Variants in ZNF385D observed in about 807,000 individuals in gnomAD.
ZNF385D encodes the protein zinc finger protein 659.
ZNF385D carries 15 observed loss-of-function variants against 35.8 expected under a neutral mutation model. That is an observed-to-expected ratio of 0.42 (90% CI 0.28 to 0.64). ZNF385D has a LOEUF of 0.64. Among genes scored for constraint, ZNF385D ranks in the 30% least tolerant of loss-of-function variants. The pLI, the probability that ZNF385D is intolerant of heterozygous loss-of-function variation, is 0.23. For missense variants in ZNF385D, 474 were observed against 494.6 expected, an observed-to-expected ratio of 0.96 and a Z score of 0.39; for synonymous variants, 212 against 186.8, an observed-to-expected ratio of 1.13 and a Z score of -1.10.
chr3:21,688,698 T>C (rs569784474), intron 1 of ZNF385D, among the ~76,000 whole-genome samples: 15 of 152,276 alleles, frequency 9.9e-5, no homozygotes, highest in Admixed American at 2.6e-4. Flanking sequence ...AATTCTAATA[T>C]GCATTTAATT....
At chr3:21,565,450 C>T (rs2063109802) in intron 2 of ZNF385D, among the ~76,000 whole-genome samples, 1 of 152,142 alleles carries the variant, frequency 6.6e-6, no homozygotes, top group Non-Finnish European at 1.5e-5. Context: ...GAGATCATAG[C>T]TCACTGTAGG....
chr3:21,832,239 TA>T (rs1237263768), intron 3 of ZNF385D, among the ~76,000 whole-genome samples: 2 of 152,188 alleles, frequency 1.3e-5, no homozygotes, highest in South Asian at 4.1e-4. Flanking sequence ...CCAATAAAAA[TA>T]AAAAAAGATT....
intron 2 of ZNF385D, among the ~76,000 whole-genome samples, chr3:22,353,678 A>G (rs547141774): frequency 1.3e-5 from 2 of 152,236 alleles, no homozygotes; most frequent in East Asian, 3.9e-4. Flanking sequence ...GTCATAACTC[A>G]TGGTGATTTC....
intron 3 of ZNF385D, among the ~76,000 whole-genome samples, chr3:21,829,412 G>C (rs951074671): frequency 1.3e-5 from 2 of 152,102 alleles, no homozygotes; most frequent in African/African-American, 4.8e-5. Context: ...GGCTATTTTA[G>C]GACAGAAAAA....
At chr3:22,231,584 AAC>A (rs1425496601) in intron 2 of ZNF385D, among the ~76,000 whole-genome samples, 1 of 152,050 alleles carries the variant, frequency 6.6e-6, no homozygotes, top group Admixed American at 6.6e-5. Context: ...CTGCTTGAAC[AAC>A]ACAGTTTACC....
chr3:21,793,757 A>G (rs1045870336), intron 3 of ZNF385D, among the ~76,000 whole-genome samples: 1 of 152,238 alleles, frequency 6.6e-6, no homozygotes, highest in African/African-American at 2.4e-5. Flanking sequence ...AGAAAAGCAC[A>G]TTAAAGAAGC....
chr3:21,975,363 C>A (rs974170305), intron 3 of ZNF385D, among the ~76,000 whole-genome samples: 1 of 151,946 alleles, frequency 6.6e-6, no homozygotes, highest in Non-Finnish European at 1.5e-5. Context: ...TAAAACAATG[C>A]AACTCATGGA....
chr3:22,073,484 T>G (rs1042203829), intron 3 of ZNF385D, among the ~76,000 whole-genome samples: 2 of 151,992 alleles, frequency 1.3e-5, no homozygotes, highest in Non-Finnish European at 2.9e-5. Context: ...TGAAATTTAA[T>G]AATTGCTTTA....
intron 4 of ZNF385D, among the ~76,000 whole-genome samples, chr3:21,450,773 A>T (rs1456021818): frequency 6.6e-6 from 1 of 152,180 alleles, no homozygotes; most frequent in Admixed American, 6.5e-5. Context: ...TGATATGTGC[A>T]TTTCTAGCAC....
intron 3 of ZNF385D, among the ~76,000 whole-genome samples, chr3:21,534,452 C>A (rs2061992281): frequency 6.6e-6 from 1 of 151,992 alleles, no homozygotes; most frequent in African/African-American, 2.4e-5. Flanking sequence ...GTTCTTCAAA[C>A]ACAAAAAAAT....
Position 21,994,507 on chromosome 3 carries a change from A to T in ZNF385D, c.325+174310T>A, listed in dbSNP as rs118123640. ...CTCACTGAGCTTTATTATGATCACC[A>T]TTTTATATTTTTTTTTAGGCATTTC... is the stretch of plus-strand genomic sequence containing the variant. On this transcript the variant is annotated intron_variant, in intron 3 of 5. Transcript: ENST00000494108. Among the ~76,000 whole-genome samples the T allele has an allele frequency of 5.8e-3, 850 of 147,122 alleles. 24 individuals carry two copies. The East Asian group carries it at 0.09, about 16-fold the overall frequency.
intron 3 of ZNF385D, among the ~76,000 whole-genome samples, chr3:21,771,874 T>C (rs1404972052): frequency 6.6e-6 from 1 of 151,960 alleles, no homozygotes; most frequent in East Asian, 1.9e-4. Context: ...GATACTGGCA[T>C]TGAGGCATAT....
In ZNF385D at chr3:22,036,027, G is replaced by C. The variant is rs541783712; in HGVS notation, c.325+132790C>G. Among the ~76,000 whole-genome samples, 5 of 152,176 alleles carry C rather than the reference G, an allele frequency of 3.3e-5. No homozygotes were observed. The South Asian group carries it at 1.0e-3, about 32-fold the overall frequency. On this transcript the variant is annotated intron_variant, in intron 3 of 5. Coordinates refer to the ZNF385D transcript ENST00000494108. ...AGACTTATGTGTTTTTCTGAGCCTT[G>C]ACACCTTGGATAAAAAGAAGACAAG...
chr3:21,449,975 C>G (rs111418294), intron 4 of ZNF385D, among the ~76,000 whole-genome samples: 3 of 152,278 alleles, frequency 2.0e-5, no homozygotes, highest in African/African-American at 7.2e-5. Flanking sequence ...ATTCACAGGG[C>G]TGGGGAAAGA....
intron 3 of ZNF385D, among the ~76,000 whole-genome samples, chr3:21,951,458 G>A (rs1260273532): frequency 2.6e-5 from 4 of 151,554 alleles, no homozygotes; most frequent in South Asian, 2.1e-4. Context: ...TGAGACGATC[G>A]GGTATTCTAA....
chr3:21,939,772 G>T (rs17010339), intron 3 of ZNF385D, among the ~76,000 whole-genome samples: 2 of 152,114 alleles, frequency 1.3e-5, no homozygotes, highest in South Asian at 4.1e-4. Context: ...CACTAGATTC[G>T]ATAGGAGAAA....
At chr3:22,090,702 A>C (rs1576302471) in intron 3 of ZNF385D, among the ~76,000 whole-genome samples, 1 of 152,166 alleles carries the variant, frequency 6.6e-6, no homozygotes, top group Non-Finnish European at 1.5e-5. Flanking sequence ...ACCAATTGAA[A>C]AAGAATGAGA....
intron 2 of ZNF385D, among the ~76,000 whole-genome samples, chr3:21,636,354 TTATATATGATTATATATATATGATTATA>T (rs1305042744): frequency 8.2e-5 from 9 of 109,806 alleles, no homozygotes; most frequent in Non-Finnish European, 1.3e-4. Context: ...ATATATATGA[TTATATATGATTATATATATATGATTATA>T]TATATATATA....
chr3:22,272,425 T>C (rs1404066415), intron 2 of ZNF385D, among the ~76,000 whole-genome samples: 1 of 151,970 alleles, frequency 6.6e-6, no homozygotes, highest in Non-Finnish European at 1.5e-5. Context: ...ACATTACCCA[T>C]AATGAACTCA....
Sources: gnomAD v4.1 joint callset for allele counts (sites outside exome capture counted in the v4.1 genomes callset) on GRCh38, gnomAD v4.1.1 for gene constraint, MANE v1.5 for transcripts, NCBI Gene and HGNC (gene_info 2026-07-23, HGNC 2026-07-21) for gene names.